SLC6A16: variants seen among roughly 807,000 people sequenced by gnomAD.
SLC6A16 encodes the protein solute carrier family 6 member 16.
SLC6A16 carries 54 observed loss-of-function variants against 65.4 expected under a neutral mutation model. The observed-to-expected ratio is 0.83, with a 90% CI of 0.66 to 1.04. The LOEUF (loss-of-function observed/expected upper bound fraction) is 1.04. SLC6A16 is among the 50% of genes least tolerant of loss of function. SLC6A16 has a pLI of 0.00. For synonymous variants in SLC6A16, 330 were observed against 346.5 expected, an observed-to-expected ratio of 0.95 and a Z score of 0.53; for missense variants, 816 against 914.0, an observed-to-expected ratio of 0.89 and a Z score of 1.38.
At chr19:49,324,833 A>G (rs1380794889) in intron 1 of SLC6A16, among the ~76,000 whole-genome samples, 1 of 152,074 alleles carries the variant, frequency 6.6e-6, no homozygotes, top group Non-Finnish European at 1.5e-5. Context: ...GAGTGAGGAG[A>G]GCCGAAGACA....
chr19:49,312,426 C>T (rs1970540421), intron 1 of SLC6A16: 1 of 412,066 alleles, frequency 2.4e-6, no homozygotes, highest in Non-Finnish European at 3.3e-6. Context: ...TTTCTCATCT[C>T]CTGACTTTAT....
intron 1 of SLC6A16, among the ~76,000 whole-genome samples, chr19:49,317,014 G>A (rs568620271): frequency 1.3e-5 from 2 of 151,848 alleles, no homozygotes; most frequent in Non-Finnish European, 2.9e-5. Context: ...TCCAGCCTGA[G>A]CAACAGAGTG....
At chr19:49,300,728 G>C (rs563196732) in intron 7 of SLC6A16, among the ~76,000 whole-genome samples, 2 of 152,202 alleles carry the variant, frequency 1.3e-5, no homozygotes, top group Admixed American at 6.5e-5. Flanking sequence ...TCTCTATAAA[G>C]AGCAACAATT....
upstream of SLC6A16, among the ~76,000 whole-genome samples, chr19:49,326,092 C>T (rs546045128): frequency 2.4e-4 from 37 of 151,728 alleles, no homozygotes; most frequent in South Asian, 6.2e-3. Flanking sequence ...ATCGTTGGAA[C>T]CCAGGAGGCA....
chr19:49,304,123 AT>A (rs1970337726), intron 7 of SLC6A16, among the ~76,000 whole-genome samples: 1 of 152,250 alleles, frequency 6.6e-6, no homozygotes, highest in Non-Finnish European at 1.5e-5. Flanking sequence ...AATATGAATG[AT>A]TGATCAGTGA....
At chr19:49,340,164 C>G in the SLC6A16 span, 1 of 1,511,098 alleles carries the variant, frequency 6.6e-7, no homozygotes, top group Non-Finnish European at 9.1e-7. Context: ...CACGGCCCCA[C>G]CCCTGACCTT....
At chr19:49,314,756 T>G (rs193097737) in intron 1 of SLC6A16, among the ~76,000 whole-genome samples, 2 of 152,270 alleles carry the variant, frequency 1.3e-5, no homozygotes, top group East Asian at 3.9e-4. Flanking sequence ...CAAAAACATG[T>G]AACAAAACTC....
chr19:49,311,684 A>G (rs1287960698), intron 1 of SLC6A16, among the ~76,000 whole-genome samples: 1 of 151,698 alleles, frequency 6.6e-6, no homozygotes, highest in Non-Finnish European at 1.5e-5. Context: ...CCCCGTCTCT[A>G]CTAAAAATAC....
chr19:49,305,493 G>A (rs1234998291), intron 7 of SLC6A16, among the ~76,000 whole-genome samples: 10 of 151,806 alleles, frequency 6.6e-5, no homozygotes, highest in African/African-American at 2.4e-4. Context: ...TCGGGAAGGT[G>A]AGGCGGGAGA....
At chr19:49,303,650 C>G (rs1350811134) in intron 7 of SLC6A16, among the ~76,000 whole-genome samples, 1 of 118,942 alleles carries the variant, frequency 8.4e-6, no homozygotes, top group Non-Finnish European at 1.8e-5. Context: ...GTGAGACTGT[C>G]TCAAAAAAAA....
chr19:49,293,298 T>TAGTC lies in SLC6A16; in HGVS notation c.1699_1702dup (p.Tyr568Ter). 1 of 1,614,092 alleles carries TAGTC rather than the reference T, an allele frequency of 6.2e-7. No individual in the cohort carries two copies. Among genetic ancestry groups the TAGTC allele is most frequent in the Non-Finnish European group, 8.5e-7 (1 of 1,179,990 alleles). On this transcript the variant is annotated stop_gained and frameshift_variant, in exon 10 of 12. Coordinates refer to ENST00000335875, the MANE Select transcript of SLC6A16 (RefSeq NM_014037.3). LOFTEE classifies it high-confidence loss of function. ...GACGATGATGGGGAAGACTATCCAG[T>TAGTC]AGTCACTCAGCAGTCTGATGAAGTA...
the SLC6A16 span, chr19:49,340,189 G>T: frequency 6.6e-7 from 1 of 1,525,910 alleles, no homozygotes; most frequent in Non-Finnish European, 9.0e-7. Context: ...GCCCGGGTGG[G>T]CATCACCCCC....
chr19:49,336,677 G>T, the SLC6A16 span: 27 of 503,716 alleles, frequency 5.4e-5, no homozygotes, highest in Non-Finnish European at 3.9e-5. Flanking sequence ...AGGAGCTGAA[G>T]GAGGAAGGAG....
the SLC6A16 span, chr19:49,340,143 C>G: frequency 5.2e-5 from 70 of 1,347,932 alleles, no homozygotes; most frequent in East Asian, 9.0e-5. Context: ...CCAGCCCCTT[C>G]CCGCCCAATT....
At position 49,293,279 on chromosome 19, in the gene SLC6A16, G is replaced by A; in HGVS notation, c.1722C>T (p.Ile574=). 2 of 1,614,158 alleles carry A rather than the reference G, an allele frequency of 1.2e-6. No homozygotes were observed. The highest frequency in any genetic ancestry group is 2.7e-5 in the African/African-American group (2 of 75,026). ...TGGTTTCAAATACGACAACGACGAT[G>A]ATGGGGAAGACTATCCAGTAGTCAC... ...LLSDYWIVFP[I]IVVVVFETMA... is the part of the protein sequence containing the mutation. Residue 574 remains isoleucine, a synonymous_variant, in exon 10 of 12, where the codon ATC becomes ATT. Coordinates refer to ENST00000335875, the MANE Select transcript of SLC6A16 (RefSeq NM_014037.3).
At chr19:49,309,448 C>T in intron 5 of SLC6A16, 37 bp from the exon 6 acceptor site, 1 of 1,501,202 alleles carries the variant, frequency 6.7e-7, no homozygotes, top group Non-Finnish European at 9.3e-7. Flanking sequence ...AACCGTGTAC[C>T]AGTAGGGGTC....
At chr19:49,296,094 AT>A (rs1430578020) in intron 7 of SLC6A16, among the ~76,000 whole-genome samples, 1 of 152,040 alleles carries the variant, frequency 6.6e-6, no homozygotes, top group African/African-American at 2.4e-5. Flanking sequence ...GGTTCGAGCG[AT>A]TCTCCTGCCT....
chr19:49,313,286 C>T (rs1970558799), intron 1 of SLC6A16, among the ~76,000 whole-genome samples: 1 of 151,978 alleles, frequency 6.6e-6, no homozygotes, highest in Admixed American at 6.6e-5. Flanking sequence ...CCTTATCCTC[C>T]AAAGTACCTA....
At chr19:49,304,563 C>T (rs557120786) in intron 7 of SLC6A16, among the ~76,000 whole-genome samples, 28 of 151,926 alleles carry the variant, frequency 1.8e-4, no homozygotes, top group Non-Finnish European at 3.5e-4. Flanking sequence ...GTCGAAAGTT[C>T]GAGACCAGCC....
Sources: gnomAD v4.1 joint callset for allele counts (sites outside exome capture counted in the v4.1 genomes callset) on GRCh38, gnomAD v4.1.1 for gene constraint, MANE v1.5 for transcripts, NCBI Gene and HGNC (gene_info 2026-07-23, HGNC 2026-07-21) for gene names.